The following ZFP64 variants were observed in gnomAD, a reference collection of about 807,000 sequenced individuals.
The protein encoded by ZFP64 is zinc finger protein 64.
A neutral mutation model predicts 51.6 loss-of-function variants in ZFP64; 14 were observed. That is an observed-to-expected ratio of 0.27 (90% CI 0.18 to 0.42). The LOEUF is 0.42. Ranked by LOEUF, ZFP64 falls within the 10% of genes least tolerant of loss-of-function variation. The probability of loss-of-function intolerance (pLI) is 1.00; values close to 1 mark genes in which losing one functional copy is unlikely to be tolerated. For missense variants in ZFP64, 754 were observed against 906.8 expected (o/e 0.83, Z 2.16); for synonymous variants, 375 against 361.4 (o/e 1.04, Z -0.43).
At position 52,152,183 on chromosome 20, in the gene ZFP64, G is replaced by C; in HGVS notation, c.2009C>G (p.Pro670Arg). ...GGAGTCGGCGGGACAGAGCAAAGCT[G>C]GATGGGCTGCCCCTTGAATGATGGA... is the stretch of plus-strand genomic sequence containing the variant. ...TYSIIQGAAH[P>R]ALLCPADSIP... is the part of the protein sequence containing the mutation. The change falls in exon 6 of 6, where the codon CCA becomes CGA. Residue 670 changes from proline (P) to arginine (R), a missense_variant. Physicochemically the swap from Pro to Arg is moderately radical, Grantham distance 103 (BLOSUM62 -2). Around this residue, in one of 3 missense-constraint regions of ZFP64, gnomAD observed 428 missense variants for 472.4 expected, o/e 0.91. Coordinates refer to ENST00000216923, the MANE Select transcript of ZFP64 (RefSeq NM_018197.3). The C allele has an allele frequency of 2.5e-6, 4 of 1,614,190 alleles. No individual in the cohort carries two copies. Among genetic ancestry groups the C allele is most frequent in the Non-Finnish European group, 2.5e-6 (3 of 1,180,032 alleles).
intron 2 of ZFP64, among the ~76,000 whole-genome samples, chr20:52,178,856 G>A (rs955542532): frequency 6.6e-6 from 1 of 152,084 alleles, no homozygotes; most frequent in African/African-American, 2.4e-5. Context: ...GACTACACTT[G>A]TCACAAACAG....
At chr20:52,140,512 G>C (rs1980202957) in intron 5 of ZFP64, among the ~76,000 whole-genome samples, 1 of 152,234 alleles carries the variant, frequency 6.6e-6, no homozygotes, top group Non-Finnish European at 1.5e-5. Flanking sequence ...CCACGACATT[G>C]TCTTCAGCCA....
intron 5 of ZFP64, among the ~76,000 whole-genome samples, chr20:52,109,997 T>G (rs187283022): frequency 6.6e-6 from 1 of 152,096 alleles, no homozygotes; most frequent in South Asian, 2.1e-4. Context: ...TTTGTCCTGA[T>G]TTTTTCTTTT....
chr20:52,166,967 G>C (rs1982327614), intron 2 of ZFP64, among the ~76,000 whole-genome samples: 1 of 151,266 alleles, frequency 6.6e-6, no homozygotes, highest in South Asian at 2.1e-4. Context: ...AAAATTCCTT[G>C]TACTCTTACT....
At chr20:52,118,174 T>G (rs1292541185) in intron 5 of ZFP64, among the ~76,000 whole-genome samples, 3 of 152,138 alleles carry the variant, frequency 2.0e-5, no homozygotes, top group Non-Finnish European at 2.9e-5. Context: ...AAATAACCCC[T>G]CTACAAATCT....
At chr20:52,185,579 C>CTTTTTTTT (rs11472663) in intron 2 of ZFP64, among the ~76,000 whole-genome samples, 1 of 127,860 alleles carries the variant, frequency 7.8e-6, no homozygotes. Context: ...CCACTTTGCA[C>CTTTTTTTT]TTTTTTTTTT....
chr20:52,177,758 C>A (rs1015575066), intron 2 of ZFP64, among the ~76,000 whole-genome samples: 1 of 152,182 alleles, frequency 6.6e-6, no homozygotes. Context: ...AGAGGCCGGG[C>A]GTGGTTGCTG....
At chr20:52,186,038 A>C (rs1480119477) in intron 2 of ZFP64, among the ~76,000 whole-genome samples, 1 of 152,228 alleles carries the variant, frequency 6.6e-6, no homozygotes, top group Admixed American at 6.5e-5. Context: ...ATTTGCAATC[A>C]CATATATGAT....
Position 52,152,507 on chromosome 20 carries a change from C to T in ZFP64, c.1685G>A (p.Gly562Asp), listed in dbSNP as rs1980908138. ...PQSSRCPSEA[G>D]AMTQPAVLLT... ...CAGGACAGCCGGCTGGGTCATTGCG[C>T]CCGCCTCGCTCGGACACCGCGAGGA... Residue 562 changes from glycine (G) to aspartate (D), a missense_variant, in exon 6 of 6, where the codon GGC (glycine) becomes GAC (aspartate). Physicochemically the swap from Gly to Asp is moderately conservative, Grantham distance 94. Coordinates refer to ENST00000216923, the MANE Select transcript of ZFP64 (RefSeq NM_018197.3). 1.2e-6 allele frequency: 2 copies of T among 1,606,948 alleles called. No individual in the cohort carries two copies. Among genetic ancestry groups the T allele is most frequent in the African/African-American group, 1.3e-5 (1 of 74,870 alleles).
At chr20:52,170,007 C>T (rs1179875456) in intron 2 of ZFP64, among the ~76,000 whole-genome samples, 21 of 151,178 alleles carry the variant, frequency 1.4e-4, no homozygotes, top group Admixed American at 1.4e-3. Flanking sequence ...GAGTCCAGAT[C>T]ATGCCATTGC....
chr20:52,180,547 CAAAAA>C (rs10669415), intron 2 of ZFP64, among the ~76,000 whole-genome samples: 4 of 87,208 alleles, frequency 4.6e-5, no homozygotes, highest in African/African-American at 4.7e-5. Flanking sequence ...CCAGAAATGG[CAAAAA>C]AAAAAAAAAA....
intron 2 of ZFP64, among the ~76,000 whole-genome samples, chr20:52,172,508 A>C (rs769298195): frequency 6.6e-6 from 1 of 152,168 alleles, no homozygotes; most frequent in East Asian, 1.9e-4. Flanking sequence ...CAGGTTTGGC[A>C]TAATGAGTGG....
At chr20:52,172,998 T>C (rs1338818579) in intron 2 of ZFP64, among the ~76,000 whole-genome samples, 4 of 152,194 alleles carry the variant, frequency 2.6e-5, no homozygotes, top group African/African-American at 9.7e-5. Context: ...AATGTATGAC[T>C]GTTATATGAA....
chr20:52,163,919 C>T (rs1224103641), intron 4 of ZFP64, among the ~76,000 whole-genome samples: 2 of 152,196 alleles, frequency 1.3e-5, no homozygotes, highest in Non-Finnish European at 2.9e-5. Flanking sequence ...TGATCTTTCT[C>T]TCTTCTTTTA....
At chr20:52,135,855 T>C (rs1979944755) in intron 5 of ZFP64, among the ~76,000 whole-genome samples, 1 of 151,356 alleles carries the variant, frequency 6.6e-6, no homozygotes, top group Non-Finnish European at 1.5e-5. Context: ...TGCCAGCACT[T>C]TGGGAGGCCG....
chr20:52,141,767 G>A (rs6096793), intron 5 of ZFP64, among the ~76,000 whole-genome samples: 1 of 152,200 alleles, frequency 6.6e-6, no homozygotes, highest in East Asian at 1.9e-4. Flanking sequence ...TAGTTGATTA[G>A]GCAGTGTCAG....
rs1980839299 is a variant in ZFP64, at chr20:52,151,991, A to C, written c.*155T>G. On this transcript the variant is annotated 3_prime_UTR_variant, in exon 6 of 6. Transcript: ENST00000216923. ...GGCGGACGTTGCAGTGAGCCAAGATAGCGCCACTGCACTCCAGCCTGGGAA... is the reference window on the plus strand; with the variant it reads ...GGCGGACGTTGCAGTGAGCCAAGATCGCGCCACTGCACTCCAGCCTGGGAA... 1 of 1,403,838 alleles carries C rather than the reference A, an allele frequency of 7.1e-7. No homozygotes were observed. The highest frequency in any genetic ancestry group is 1.4e-5 in the African/African-American group (1 of 69,164). 87.0% of individuals were successfully genotyped at this position (1,403,838 alleles called of 1,614,324 possible).
At chr20:52,098,718 A>G in intron 5 of ZFP64, 2 of 1,253,004 alleles carry the variant, frequency 1.6e-6, no homozygotes, top group South Asian at 1.5e-5. Context: ...AATGAAAGCC[A>G]TGTGACCAGG....
At chr20:52,092,891 T>C (rs6096742) in intron 7 of ZFP64, among the ~76,000 whole-genome samples, 6,089 of 152,170 alleles carry the variant, frequency 0.04, 374 homozygotes, top group East Asian at 0.13. Context: ...AACAGATCGA[T>C]AACAATGACA....
Sources: allele counts gnomAD v4.1 joint callset (sites outside exome capture counted in the v4.1 genomes callset), GRCh38; gene constraint gnomAD v4.1.1; regional missense constraint gnomAD v4.1.1; transcripts MANE v1.5; gene names NCBI Gene and HGNC (gene_info 2026-07-23, HGNC 2026-07-21).